Variants in GRM5 observed in about 807,000 individuals in gnomAD.
GRM5 encodes glutamate metabotropic receptor 5.
Under a neutral mutation model 83.1 loss-of-function variants are expected in GRM5, and 19 were observed. The ratio of observed to expected loss-of-function variants is 0.23; its 90% CI spans 0.16 to 0.34. The LOEUF is 0.34. GRM5 is among the 10% of genes least tolerant of loss of function. The probability of loss-of-function intolerance (pLI) is 1.00; values close to 1 mark genes in which losing one functional copy is unlikely to be tolerated. For synonymous variants in GRM5, 675 were observed against 633.6 expected (o/e 1.07, Z -0.98); for missense variants, 1,160 against 1,588.3 (o/e 0.73, Z 4.58).
intron 3 of GRM5, among the ~76,000 whole-genome samples, chr11:88,699,713 T>C (rs1199893868): frequency 6.7e-6 from 1 of 149,560 alleles, no homozygotes; most frequent in East Asian, 2.0e-4. Context: ...GGATCAAGCA[T>C]GAGCAAGACT....
intron 2 of GRM5, among the ~76,000 whole-genome samples, chr11:88,973,530 G>A (rs141244790): frequency 0.024 from 3,699 of 152,170 alleles, 84 homozygotes; most frequent in East Asian, 0.1. Flanking sequence ...GGGTTAATAT[G>A]GAGGCAAGCC....
Position 88,730,581 on chromosome 11 carries a change from C to T in GRM5, c.912-77178G>A, listed in dbSNP as rs141391322. 2.0e-5 allele frequency among the ~76,000 whole-genome samples: 3 copies of T among 152,142 alleles called. No homozygotes were observed. The East Asian group carries it at 5.8e-4, about 29-fold the overall frequency. On this transcript the variant is annotated intron_variant, in intron 3 of 9. Transcript: ENST00000305447. Reference sequence around the variant, plus strand: ...GACACATGCACACATATGTTTATTGCAGCACTGTTCATAATAGCAAAGACT... The same window carrying T: ...GACACATGCACACATATGTTTATTGTAGCACTGTTCATAATAGCAAAGACT...
intron 7 of GRM5, among the ~76,000 whole-genome samples, chr11:88,579,444 T>C (rs534203721): frequency 1.3e-5 from 2 of 152,200 alleles, no homozygotes; most frequent in Admixed American, 1.3e-4. Context: ...TGAGGTGATA[T>C]AAGAGGTAGA....
intron 2 of GRM5, among the ~76,000 whole-genome samples, chr11:89,005,526 C>T (rs1440013837): frequency 6.6e-6 from 1 of 152,148 alleles, no homozygotes; most frequent in Admixed American, 6.6e-5. Context: ...TAATCTACAT[C>T]GAATATCTCT....
intron 2 of GRM5, among the ~76,000 whole-genome samples, chr11:88,948,040 G>T (rs957922159): frequency 6.6e-6 from 1 of 152,074 alleles, no homozygotes; most frequent in Non-Finnish European, 1.5e-5. Context: ...GAAAATGGAG[G>T]CCAAAAGGAT....
Position 88,849,942 on chromosome 11 carries a change from C to A in GRM5, c.875G>T (p.Arg292Leu). Residue 292 changes from arginine to leucine, a missense_variant, in exon 3 of 10, where the codon CGC becomes CTC. This residue lies in a region of GRM5 where 84 missense variants were observed against 231.0 expected (regional missense o/e 0.36). Transcript: ENST00000305447. Reference protein sequence around the residue: ...TVRGLLMAMRRLGLAGEFLLL... With the variant: ...TVRGLLMAMRLLGLAGEFLLL... ...CAGAAATTCTCCCGCTAGACCCAGGCGCCTCATGGCCATCAGCAGACCTCT... is the reference window on the plus strand; with the variant it reads ...CAGAAATTCTCCCGCTAGACCCAGGAGCCTCATGGCCATCAGCAGACCTCT... 6.2e-7 allele frequency: 1 copy of A among 1,614,090 alleles called. No individual in the cohort carries two copies. The highest frequency in any genetic ancestry group is 8.5e-7 in the Non-Finnish European group (1 of 1,179,948).
intron 2 of GRM5, among the ~76,000 whole-genome samples, chr11:88,955,392 C>T (rs566141132): frequency 6.6e-6 from 1 of 152,084 alleles, no homozygotes; most frequent in South Asian, 2.1e-4. Flanking sequence ...ATTACGTATG[C>T]CTTACTATAA....
At chr11:88,788,542 G>C (rs1432391853) in intron 3 of GRM5, among the ~76,000 whole-genome samples, 2 of 151,874 alleles carry the variant, frequency 1.3e-5, no homozygotes, top group African/African-American at 4.8e-5. Flanking sequence ...TATTCCACAG[G>C]GTATATATTT....
chr11:88,612,402 A>C (rs1463976046), intron 4 of GRM5, among the ~76,000 whole-genome samples: 1 of 151,258 alleles, frequency 6.6e-6, no homozygotes, highest in Non-Finnish European at 1.5e-5. Context: ...AGTCTTTGCT[A>C]TTGTGAATAA....
chr11:88,555,640 G>A (rs1205499439), intron 8 of GRM5, among the ~76,000 whole-genome samples: 2 of 152,120 alleles, frequency 1.3e-5, no homozygotes, highest in Admixed American at 1.3e-4. Context: ...ACTCAGCAGA[G>A]GGGGAGTCAC....
chr11:88,871,167 G>T (rs1944761160), intron 2 of GRM5, among the ~76,000 whole-genome samples: 1 of 151,584 alleles, frequency 6.6e-6, no homozygotes, highest in South Asian at 2.1e-4. Context: ...CTCAATGAAT[G>T]TTCAAAACAA....
At chr11:88,764,077 T>A (rs1942580670) in intron 3 of GRM5, among the ~76,000 whole-genome samples, 1 of 151,660 alleles carries the variant, frequency 6.6e-6, no homozygotes. Flanking sequence ...ATTATATTAC[T>A]GTTAGAAAAA....
chr11:89,046,850 G>T (rs149301082), intron 2 of GRM5, among the ~76,000 whole-genome samples: 17 of 152,022 alleles, frequency 1.1e-4, no homozygotes, highest in African/African-American at 4.1e-4. Context: ...TAGAACAATC[G>T]CGAAATGACA....
chr11:88,747,365 A>C (rs1942165752), intron 3 of GRM5, among the ~76,000 whole-genome samples: 1 of 152,198 alleles, frequency 6.6e-6, no homozygotes, highest in South Asian at 2.1e-4. Flanking sequence ...TAAGACTTGG[A>C]GTAGATATAG....
At chr11:88,538,983 A>G (rs1942201603) in intron 8 of GRM5, among the ~76,000 whole-genome samples, 4 of 152,010 alleles carry the variant, frequency 2.6e-5, no homozygotes, top group Non-Finnish European at 5.9e-5. Flanking sequence ...AAACCTTATC[A>G]TTTTTTTTCC....
intron 2 of GRM5, among the ~76,000 whole-genome samples, chr11:88,907,710 GTTTGT>G (rs971012780): frequency 7.2e-5 from 11 of 152,234 alleles, no homozygotes; most frequent in African/African-American, 2.2e-4. Flanking sequence ...TAGATCCCAG[GTTTGT>G]TGTTTACTAG....
intron 2 of GRM5, among the ~76,000 whole-genome samples, chr11:88,942,395 A>G (rs1938144991): frequency 6.6e-6 from 1 of 151,918 alleles, no homozygotes. Context: ...GTCTGTTTCA[A>G]ACTAAAAACA....
intron 4 of GRM5, among the ~76,000 whole-genome samples, chr11:88,614,053 A>T (rs1295103139): frequency 6.6e-6 from 1 of 152,144 alleles, no homozygotes; most frequent in Non-Finnish European, 1.5e-5. Flanking sequence ...CCTTGACCCT[A>T]AGCCATGTTC....
chr11:88,588,320 C>T (rs1943361645), intron 7 of GRM5, among the ~76,000 whole-genome samples: 1 of 152,044 alleles, frequency 6.6e-6, no homozygotes, highest in Non-Finnish European at 1.5e-5. Context: ...AAGCACCTTG[C>T]TTAGGAAATT....
Sources: allele counts gnomAD v4.1 joint callset (sites outside exome capture counted in the v4.1 genomes callset), GRCh38; gene constraint gnomAD v4.1.1; regional missense constraint gnomAD v4.1.1; transcripts MANE v1.5; gene names NCBI Gene and HGNC (gene_info 2026-07-23, HGNC 2026-07-21).